PLD1: variants seen among roughly 807,000 people sequenced by gnomAD.
PLD1 encodes the protein choline phosphatase 1.
Under a neutral mutation model 137.1 loss-of-function variants are expected in PLD1, and 112 were observed. The observed-to-expected ratio is 0.82, with a 90% confidence interval of 0.70 to 0.96. The LOEUF (loss-of-function observed/expected upper bound fraction) is 0.96, where lower values mean the gene tolerates loss of function less well. Ranked by LOEUF, PLD1 falls within the 40% of genes least tolerant of loss-of-function variation. The probability of loss-of-function intolerance (pLI) is 0.00; values close to 1 mark genes in which losing one functional copy is unlikely to be tolerated. For synonymous variants in PLD1, 431 were observed against 454.7 expected, an observed-to-expected ratio of 0.95 and a Z score of 0.66; for missense variants, 1,321 against 1,342.0, an observed-to-expected ratio of 0.98 and a Z score of 0.24.
chr3:171,687,664 G>T, intron 14 of PLD1, 80 bp from the exon 15 acceptor site: 1 of 881,658 alleles, frequency 1.1e-6, no homozygotes, highest in Non-Finnish European at 1.8e-6. Flanking sequence ...TAGAGCTGAA[G>T]TATAAAGTTT....
rs560536877 is a variant in PLD1 at position 171,616,807 on chromosome 3, T to G, written c.2728+3579A>C. ...ACGCTGAATTTCTAACCTACTGAAGTGTCAGATAATAAATTTGTGTTGTTT... is the reference window on the plus strand; with the variant it reads ...ACGCTGAATTTCTAACCTACTGAAGGGTCAGATAATAAATTTGTGTTGTTT... On this transcript the variant is annotated intron_variant, in intron 24 of 26. Coordinates refer to ENST00000351298, the MANE Select transcript of PLD1 (RefSeq NM_002662.5). Among the ~76,000 whole-genome samples, 11 of 152,262 alleles carry G rather than the reference T, an allele frequency of 7.2e-5. No individual in the cohort carries two copies. In the South Asian group the frequency reaches 2.3e-3, roughly 31 times the overall value.
intron 1 of PLD1, among the ~76,000 whole-genome samples, chr3:171,757,471 C>A (rs549119471): frequency 1.3e-5 from 2 of 152,288 alleles, no homozygotes; most frequent in African/African-American, 4.8e-5. Context: ...AAGGCACACA[C>A]ACACTCATGC....
At position 171,768,061 on chromosome 3, in the gene PLD1, A is replaced by G. The variant is rs184913780; in HGVS notation, c.-31-29979T>C. On this transcript the variant is annotated intron_variant, in intron 1 of 26. Transcript: ENST00000351298. The stretch of plus-strand genomic sequence containing the variant: ...TTACCACTATTCTACCACTTCTGCT[A>G]TGACTATTACTACTAACTGGGGTAG... 9.9e-5 allele frequency among the ~76,000 whole-genome samples: 15 copies of G among 152,112 alleles called. No individual in the cohort carries two copies. In the East Asian group the frequency reaches 2.9e-3, roughly 29 times the overall value.
In PLD1 at chr3:171,758,682, AAAG is replaced by A. The variant is rs1721196555; in HGVS notation, c.-31-20603_-31-20601del. Among the ~76,000 whole-genome samples, 5 of 152,210 alleles carry A rather than the reference AAAG, an allele frequency of 3.3e-5. No individual in the cohort carries two copies. The South Asian group carries it at 1.0e-3, about 32-fold the overall frequency. On this transcript the variant is annotated intron_variant, in intron 1 of 26. Transcript: ENST00000351298. The stretch of plus-strand genomic sequence containing the variant: ...AAAACACTTCCTTCATGATAGGAGG[AAAG>A]AATGTCCAAGAAGGAAAATATGACA...
intron 21 of PLD1, among the ~76,000 whole-genome samples, chr3:171,656,782 A>T (rs1737237205): frequency 6.6e-6 from 1 of 152,218 alleles, no homozygotes; most frequent in African/African-American, 2.4e-5. Context: ...CATCCATCCC[A>T]TCAGCTACTG....
At chr3:171,709,821 C>A in intron 9 of PLD1, 112 bp from the exon 10 acceptor site, 1 of 858,308 alleles carries the variant, frequency 1.2e-6, no homozygotes, top group Non-Finnish European at 1.8e-6. Flanking sequence ...CAAAGAACAT[C>A]AAGAAAGCAG....
rs560866941 is a variant in PLD1 at position 171,724,696 on chromosome 3, C to A, written c.758G>T (p.Arg253Ile). ...ATACACAAAACTCACTAATTCCTAC[C>A]TTTTTGACCATCTGTAGCAGGCTCT... is the stretch of plus-strand genomic sequence containing the variant. ...QGRACYRWSK[R>I]WLIVKDSFLL... The change falls in exon 8 of 27, where the codon AGA becomes ATA. Residue 253 changes from arginine to isoleucine, a missense_variant and splice_region_variant. Physicochemically the swap from Arg to Ile is moderately conservative, Grantham distance 97. Transcript: ENST00000351298. 4 of 1,584,494 alleles carry A rather than the reference C, an allele frequency of 2.5e-6. No homozygotes were observed. In the South Asian group the frequency reaches 4.4e-5, roughly 18 times the overall value.
chr3:171,798,303 G>A (rs367934071), intron 1 of PLD1, among the ~76,000 whole-genome samples: 6 of 152,098 alleles, frequency 3.9e-5, no homozygotes, highest in African/African-American at 1.4e-4. Context: ...TCTAGGCTGG[G>A]GCTATGATAC....
intron 23 of PLD1, among the ~76,000 whole-genome samples, chr3:171,628,814 C>T (rs1317039784): frequency 1.3e-5 from 2 of 152,228 alleles, no homozygotes; most frequent in South Asian, 4.1e-4. Flanking sequence ...TTCAACAACT[C>T]TTCTTGCTAA....
rs147611845 is a variant in PLD1 at position 171,601,981 on chromosome 3, T to G, written c.*1097A>C. 6.0e-4 allele frequency: 91 copies of G among 152,316 alleles called. No individual in the cohort carries two copies. The highest frequency in any genetic ancestry group is 2.0e-3 in the African/African-American group (83 of 41,572). The allele number at this position is 152,316 out of a possible 1,614,324, so 9.4% of individuals were successfully genotyped here. A position where few individuals can be genotyped will look rare whatever the true frequency, so the allele number is the denominator to read the frequency against. ...AATGTAAGTGAAGTAGCACATATTT[T>G]ATAATCAATTAATTTTTCTCAAAGA... On this transcript the variant is annotated 3_prime_UTR_variant, in exon 27 of 27. Coordinates refer to ENST00000351298, the MANE Select transcript of PLD1 (RefSeq NM_002662.5).
intron 20 of PLD1, 118 bp from the exon 21 acceptor site, chr3:171,659,419 G>A (rs1737484460): frequency 4.6e-6 from 3 of 652,308 alleles, no homozygotes; most frequent in Admixed American, 5.3e-5. Flanking sequence ...TCTGATCACT[G>A]AAATCACATC....
rs1315128606 is a variant in PLD1, at chr3:171,612,739, C to CA, written c.2729-308dup. The stretch of plus-strand genomic sequence containing the variant: ...AGAGTTTCCCCTTTGTATAAACACA[C>CA]AAAAAATGGATTCTGTCTCTTCCAT... On this transcript the variant is annotated intron_variant, in intron 24 of 26. Coordinates refer to ENST00000351298, the MANE Select transcript of PLD1 (RefSeq NM_002662.5). This position sits in a 1 kb window ranked among gnomAD's most constrained non-coding sequence, Gnocchi z 4.1. 1.3e-5 allele frequency among the ~76,000 whole-genome samples: 2 copies of CA among 152,038 alleles called. No individual in the cohort carries two copies. Among genetic ancestry groups the CA allele is most frequent in the African/African-American group, 4.8e-5 (2 of 41,408 alleles).
intron 20 of PLD1, among the ~76,000 whole-genome samples, chr3:171,659,648 ATGT>A (rs1348848626): frequency 6.6e-6 from 1 of 152,226 alleles, no homozygotes; most frequent in African/African-American, 2.4e-5. Context: ...TCAGATTCAC[ATGT>A]TGTATAAATG....
At chr3:171,690,798 T>C (rs77649535) in intron 13 of PLD1, among the ~76,000 whole-genome samples, 1,650 of 152,314 alleles carry the variant, frequency 0.011, 38 homozygotes, top group African/African-American at 0.038. Context: ...AGAATGTGTA[T>C]CCTGCTGTTG....
intron 1 of PLD1, among the ~76,000 whole-genome samples, chr3:171,761,403 T>C (rs1055528962): frequency 1.3e-5 from 2 of 152,160 alleles, no homozygotes; most frequent in African/African-American, 2.4e-5. Flanking sequence ...GAGAGCCTCC[T>C]TGGTCTCAGA....
At chr3:171,774,858 G>A (rs1444394616) in intron 1 of PLD1, among the ~76,000 whole-genome samples, 1 of 152,150 alleles carries the variant, frequency 6.6e-6, no homozygotes, top group African/African-American at 2.4e-5. Context: ...ACTGAGGGAG[G>A]CTGGGTTTGA....
At chr3:171,718,436 T>C (rs1368572936) in intron 8 of PLD1, among the ~76,000 whole-genome samples, 1 of 152,082 alleles carries the variant, frequency 6.6e-6, no homozygotes, top group Non-Finnish European at 1.5e-5. Flanking sequence ...CTCTAAACAA[T>C]TGAGGAGGAA....
intron 17 of PLD1, among the ~76,000 whole-genome samples, chr3:171,677,249 T>G (rs1713470985): frequency 6.6e-6 from 1 of 152,058 alleles, no homozygotes; most frequent in Non-Finnish European, 1.5e-5. Flanking sequence ...ATGCAGGAAA[T>G]AAGCAGAATA....
intron 1 of PLD1, among the ~76,000 whole-genome samples, chr3:171,806,502 C>T (rs912906590): frequency 6.6e-6 from 1 of 152,186 alleles, no homozygotes; most frequent in African/African-American, 2.4e-5. Context: ...TTAGCCACAC[C>T]CTAGCAAATA....
Sources: allele counts gnomAD v4.1 joint callset (sites outside exome capture counted in the v4.1 genomes callset), GRCh38; gene constraint gnomAD v4.1.1; non-coding constraint Gnocchi (gnomAD v3.1); transcripts MANE v1.5; gene names NCBI Gene and HGNC (gene_info 2026-07-23, HGNC 2026-07-21).